MICAL3: variants seen among roughly 807,000 people sequenced by gnomAD.
MICAL3 encodes [F-actin]-monooxygenase MICAL3.
A neutral mutation model predicts 207.4 loss-of-function variants in MICAL3; 62 were observed. That is an observed-to-expected ratio of 0.30 (90% CI 0.24 to 0.37). The LOEUF (loss-of-function observed/expected upper bound fraction) is 0.37, where lower values mean the gene tolerates loss of function less well. Ranked by LOEUF, MICAL3 falls within the 10% of genes least tolerant of loss-of-function variation. The pLI, the probability that MICAL3 is intolerant of heterozygous loss-of-function variation, is 1.00. For missense variants in MICAL3, 2,368 were observed against 2,635.6 expected (o/e 0.90, Z 2.22); for synonymous variants, 1,077 against 1,069.3 (o/e 1.01, Z -0.14).
Position 17,798,780 on chromosome 22 carries a change from T to C in MICAL3, c.5651-7479A>G, listed in dbSNP as rs1034013089. On this transcript the variant is annotated intron_variant, in intron 29 of 31. Transcript: ENST00000441493. ...GCTCCGCCTCCCGGGTTCACGTCAT[T>C]CTCCTGCCTCAGCCTCCTGAGTAGC... Among the ~76,000 whole-genome samples, 400 of 150,906 alleles carry C rather than the reference T, an allele frequency of 2.7e-3. 9 individuals carry two copies. Among genetic ancestry groups the C allele is most frequent in the Admixed American group, 0.024 (362 of 15,176 alleles).
chr22:17,904,236 G>A (rs150764599), intron 3 of MICAL3, among the ~76,000 whole-genome samples: 1 of 152,328 alleles, frequency 6.6e-6, no homozygotes, highest in Non-Finnish European at 1.5e-5. Flanking sequence ...TCACAGCACA[G>A]ACAGCTGCAT....
Position 17,796,715 on chromosome 22 carries a change from G to A in MICAL3, c.5651-5414C>T, listed in dbSNP as rs555879700. Among the ~76,000 whole-genome samples, 1 of 152,352 alleles carries A rather than the reference G, an allele frequency of 6.6e-6. No homozygotes were observed. Among genetic ancestry groups the A allele is most frequent in the African/African-American group, 2.4e-5 (1 of 41,584 alleles). ...GTCCCTTCCTGCCTCGTCTTCTGAA[G>A]AGGCCCTGAGAGGGTAAGTAGAGTC... On this transcript the variant is annotated intron_variant, in intron 29 of 31. Coordinates refer to ENST00000441493, the MANE Select transcript of MICAL3 (RefSeq NM_015241.3). The surrounding 1 kb of genome is among the most constrained non-coding windows in gnomAD (Gnocchi z 4.4).
intron 16 of MICAL3, chr22:17,876,583 C>A (rs570227485): frequency 6.6e-6 from 1 of 152,668 alleles, no homozygotes; most frequent in South Asian, 2.1e-4. Context: ...CAGAAGGAAG[C>A]AAGAGGGAGA....
Position 17,817,527 on chromosome 22 carries a change from TCTC to T in MICAL3, c.5131_5133del (p.Glu1711del). 2 of 1,613,554 alleles carry T rather than the reference TCTC, an allele frequency of 1.2e-6. No individual in the cohort carries two copies. The highest frequency in any genetic ancestry group is 1.7e-6 in the Non-Finnish European group (2 of 1,179,798). ...GGCCGGCCCTCGCCTTTGGACTTCTTCTCCTTCTTGTTTCTGCGGGGGGAGAAG... is the reference window on the plus strand; with the variant it reads ...GGCCGGCCCTCGCCTTTGGACTTCTTCTTCTTGTTTCTGCGGGGGGAGAAG... On this transcript the variant is annotated inframe_deletion, in exon 26 of 32. Transcript: ENST00000441493.
At chr22:17,876,506 T>G (rs927709273) in intron 16 of MICAL3, 1 of 152,360 alleles carries the variant, frequency 6.6e-6, no homozygotes, top group African/African-American at 2.4e-5. Context: ...AGCCAGCTCC[T>G]TGGCCCTGGG....
At chr22:17,918,395 G>GA (rs977539195) in intron 1 of MICAL3, among the ~76,000 whole-genome samples, 2 of 151,428 alleles carry the variant, frequency 1.3e-5, no homozygotes, top group Non-Finnish European at 3.0e-5. Context: ...CATATCTTAA[G>GA]AAAAAAAAAT....
chr22:17,996,887 A>G (rs1422041828), intron 1 of MICAL3, among the ~76,000 whole-genome samples: 1 of 152,130 alleles, frequency 6.6e-6, no homozygotes, highest in African/African-American at 2.4e-5. Context: ...CACAGACTTT[A>G]GCCCAAGTGC....
chr22:17,883,004 C>T (rs992823212), intron 16 of MICAL3, among the ~76,000 whole-genome samples: 5 of 152,164 alleles, frequency 3.3e-5, no homozygotes, highest in Non-Finnish European at 7.3e-5. Context: ...TTCCCCCACT[C>T]GCCTATGTCA....
intron 1 of MICAL3, among the ~76,000 whole-genome samples, chr22:17,956,884 G>A (rs1934640708): frequency 6.6e-6 from 1 of 152,200 alleles, no homozygotes; most frequent in African/African-American, 2.4e-5. Context: ...TCTTACTAGA[G>A]CCAGTGATGC....
At chr22:17,968,412 C>G (rs1935249902) in intron 1 of MICAL3, among the ~76,000 whole-genome samples, 1 of 152,148 alleles carries the variant, frequency 6.6e-6, no homozygotes, top group Non-Finnish European at 1.5e-5. Context: ...GGGAGCTGCT[C>G]TGGGAAGAGC....
intron 1 of MICAL3, among the ~76,000 whole-genome samples, chr22:17,930,579 T>C (rs184903476): frequency 8.5e-5 from 13 of 152,344 alleles, no homozygotes; most frequent in Admixed American, 5.9e-4. Flanking sequence ...CGACTCCATG[T>C]ACACAAAGAC....
intron 20 of MICAL3, among the ~76,000 whole-genome samples, chr22:17,832,755 G>C (rs1922942680): frequency 6.6e-6 from 1 of 152,080 alleles, no homozygotes; most frequent in African/African-American, 2.4e-5. Flanking sequence ...GGGGAGGGGG[G>C]ACCCAGAAAG....
intron 1 of MICAL3, chr22:18,006,232 G>T (rs1361232469): frequency 6.6e-6 from 1 of 152,214 alleles, no homozygotes; most frequent in Non-Finnish European, 1.5e-5. Context: ...CTTAGTGCAT[G>T]GGGTGATTAA....
chr22:17,969,384 G>C (rs909423873), intron 1 of MICAL3, among the ~76,000 whole-genome samples: 1 of 152,208 alleles, frequency 6.6e-6, no homozygotes, highest in South Asian at 2.1e-4. Context: ...TCTAAGGGAC[G>C]AGAAAGAAAT....
At chr22:17,889,806 T>C (rs1188443289) in intron 12 of MICAL3, among the ~76,000 whole-genome samples, 1 of 152,116 alleles carries the variant, frequency 6.6e-6, no homozygotes, top group Non-Finnish European at 1.5e-5. Flanking sequence ...GACCTGTCTC[T>C]AAAAATAAAA....
intron 1 of MICAL3, among the ~76,000 whole-genome samples, chr22:17,982,444 G>A (rs1388599439): frequency 6.6e-6 from 1 of 152,190 alleles, no homozygotes; most frequent in Non-Finnish European, 1.5e-5. Context: ...TGGGAGAGGT[G>A]GGTGGATCAC....
intron 23 of MICAL3, 26 bp from the exon 24 acceptor site, chr22:17,822,196 G>C: frequency 6.2e-7 from 1 of 1,609,384 alleles, no homozygotes; most frequent in Non-Finnish European, 8.5e-7. Flanking sequence ...GGCAGAAGTG[G>C]GTGCACACCC....
At chr22:17,916,404 G>C (rs1259799714) in intron 1 of MICAL3, among the ~76,000 whole-genome samples, 1 of 152,080 alleles carries the variant, frequency 6.6e-6, no homozygotes, top group Non-Finnish European at 1.5e-5. Context: ...TCAACACCCA[G>C]TCCTGACCCC....
chr22:18,013,197 G>T (rs1293938333), intron 1 of MICAL3, among the ~76,000 whole-genome samples: 1 of 152,214 alleles, frequency 6.6e-6, no homozygotes, highest in Non-Finnish European at 1.5e-5. Context: ...CTCTTCAGCT[G>T]GCCTGGCTCT....
Sources: gnomAD v4.1 joint callset for allele counts (sites outside exome capture counted in the v4.1 genomes callset) on GRCh38, gnomAD v4.1.1 for gene constraint, Gnocchi (gnomAD v3.1) non-coding constraint, MANE v1.5 for transcripts, NCBI Gene and HGNC (gene_info 2026-07-23, HGNC 2026-07-21) for gene names.